The following C3orf49 variants were observed in gnomAD, a reference collection of about 807,000 sequenced individuals.
C3orf49 encodes the protein putative uncharacterized protein C3orf49.
In C3orf49, 27 loss-of-function variants were observed where a neutral mutation model predicts 13.3. That is an observed-to-expected ratio of 2.02 (90% CI 1.49 to 2.79). C3orf49 has a LOEUF of 2.79. Among genes scored for constraint, C3orf49 ranks in the 30% most tolerant of loss-of-function variants. The pLI is 0.00. For synonymous variants in C3orf49, 87 were observed against 47.6 expected (o/e 1.83, Z -3.40); for missense variants, 242 against 134.2 (o/e 1.80, Z -3.97).
intron 5 of C3orf49, among the ~76,000 whole-genome samples, chr3:63,836,999 T>C (rs1701648082): frequency 6.6e-6 from 1 of 151,952 alleles, no homozygotes; most frequent in Non-Finnish European, 1.5e-5. Flanking sequence ...AGTTGGTATA[T>C]GTTACTGTAA....
At chr3:63,831,898 A>G in intron 5 of C3orf49, 54 bp downstream of exon 5, 1 of 678,170 alleles carries the variant, frequency 1.5e-6, no homozygotes. Flanking sequence ...GATTCTTTAA[A>G]AGTTATCTTC....
chr3:63,791,738 G>C, the C3orf49 span, among the ~76,000 whole-genome samples: 1 of 152,056 alleles, frequency 6.6e-6, no homozygotes, highest in Non-Finnish European at 1.5e-5. Flanking sequence ...AGTTGTTCCA[G>C]GCAATATTTT....
the C3orf49 span, among the ~76,000 whole-genome samples, chr3:63,788,672 C>A: frequency 6.6e-6 from 1 of 151,060 alleles, no homozygotes; most frequent in East Asian, 2.0e-4. Context: ...TCTTTAACCT[C>A]ATTTAATCCT....
the C3orf49 span, among the ~76,000 whole-genome samples, chr3:63,785,053 TCTC>T: frequency 6.8e-6 from 1 of 146,468 alleles, no homozygotes; most frequent in Admixed American, 7.0e-5. Context: ...CCACTGGACT[TCTC>T]TTCTTCTTCT....
the C3orf49 span, among the ~76,000 whole-genome samples, chr3:63,799,499 TA>T: frequency 3.9e-4 from 59 of 152,092 alleles, no homozygotes; most frequent in African/African-American, 1.4e-3. Context: ...AATACAACAC[TA>T]AAAATGAAAG....
chr3:63,786,917 C>A, the C3orf49 span, among the ~76,000 whole-genome samples: 8 of 152,148 alleles, frequency 5.3e-5, no homozygotes, highest in Admixed American at 3.3e-4. Flanking sequence ...GTCAGGGTCT[C>A]TCATCTAGGT....
chr3:63,838,110 C>G (rs376464659), intron 5 of C3orf49: 6 of 1,485,742 alleles, frequency 4.0e-6, no homozygotes, highest in Non-Finnish European at 5.5e-6. Context: ...AATCAATAAT[C>G]CATTTTTAAT....
chr3:63,783,409 A>G, the C3orf49 span, among the ~76,000 whole-genome samples: 2 of 152,158 alleles, frequency 1.3e-5, no homozygotes, highest in African/African-American at 2.4e-5. Flanking sequence ...TGGGCTGGGC[A>G]TGGTGGCTCA....
chr3:63,814,984 C>G (rs763840663), upstream of C3orf49, among the ~76,000 whole-genome samples: 1 of 152,174 alleles, frequency 6.6e-6, no homozygotes, highest in South Asian at 2.1e-4. Flanking sequence ...TGGCTGAAGG[C>G]GAAGTGGGAG....
chr3:63,816,490 G>A (rs946234664), upstream of C3orf49, among the ~76,000 whole-genome samples: 1 of 151,976 alleles, frequency 6.6e-6, no homozygotes, highest in Non-Finnish European at 1.5e-5. Context: ...TACTCAGGAG[G>A]CACAAGAATC....
intron 3 of C3orf49, among the ~76,000 whole-genome samples, chr3:63,828,981 G>A (rs1028341345): frequency 2.0e-5 from 3 of 152,160 alleles, no homozygotes; most frequent in African/African-American, 7.2e-5. Context: ...AATTAGAAGT[G>A]CAGTTCCCCA....
intron 5 of C3orf49, among the ~76,000 whole-genome samples, chr3:63,834,420 G>A (rs565022226): frequency 3.1e-4 from 47 of 151,912 alleles, no homozygotes; most frequent in Middle Eastern, 3.4e-3. Flanking sequence ...AGCACTTTGG[G>A]AGGCCAAGGC....
At chr3:63,819,089 G>C (rs544298248), upstream of C3orf49, among the ~76,000 whole-genome samples, 144 of 151,770 alleles carry the variant, frequency 9.5e-4, no homozygotes, top group Non-Finnish European at 1.8e-3. Flanking sequence ...TTAGTGTGTG[G>C]GTGTTTTTTG....
the C3orf49 span, among the ~76,000 whole-genome samples, chr3:63,793,175 C>T: frequency 1.3e-5 from 2 of 152,226 alleles, no homozygotes; most frequent in African/African-American, 4.8e-5. Flanking sequence ...ATGACTATAT[C>T]AACTGTTTAA....
Position 63,823,568 on chromosome 3 carries a change from T to C in C3orf49, c.444T>C (p.Asn148=), listed in dbSNP as rs1255005176. The C allele has an allele frequency of 4.3e-6, 3 of 695,634 alleles. No homozygotes were observed. Among genetic ancestry groups the C allele is most frequent in the African/African-American group, 1.8e-5 (1 of 56,802 alleles). The allele number at this position is 695,634 out of a possible 1,614,324, so 43.1% of individuals were successfully genotyped here. Residue 148 remains asparagine (N), a splice_region_variant and synonymous_variant, in exon 2 of 7, where the codon AAT becomes AAC. Transcript: ENST00000295896. Reference sequence around the variant, plus strand: ...CAAAAATGAGAAAGCTCTCAGAGAATGGTAATCATATTTGGGCAATTTGTC... The same window carrying C: ...CAAAAATGAGAAAGCTCTCAGAGAACGGTAATCATATTTGGGCAATTTGTC... The part of the protein sequence containing the change: ...FTAKMRKLSE[N]ATIQLDVVEA...
intron 5 of C3orf49, among the ~76,000 whole-genome samples, chr3:63,840,488 G>A (rs1254390352): frequency 1.3e-5 from 2 of 152,160 alleles, no homozygotes; most frequent in African/African-American, 4.8e-5. Flanking sequence ...TAACTTGGGA[G>A]GCTGAGGTAG....
upstream of C3orf49, among the ~76,000 whole-genome samples, chr3:63,818,820 C>A (rs979946529): frequency 6.6e-6 from 1 of 152,158 alleles, no homozygotes; most frequent in Admixed American, 6.5e-5. Flanking sequence ...TGGATCAGGT[C>A]CTCAATTTAG....
At chr3:63,808,762 G>A in the C3orf49 span, among the ~76,000 whole-genome samples, 6 of 152,096 alleles carry the variant, frequency 3.9e-5, no homozygotes, top group Admixed American at 6.5e-5. Flanking sequence ...GATGAATAGG[G>A]CCTCATACCT....
At chr3:63,808,162 A>G in the C3orf49 span, among the ~76,000 whole-genome samples, 1 of 152,152 alleles carries the variant, frequency 6.6e-6, no homozygotes, top group South Asian at 2.1e-4. Flanking sequence ...ACTCAATTAG[A>G]AGCCTCTGGC....
Sources: gnomAD v4.1 joint callset for allele counts (sites outside exome capture counted in the v4.1 genomes callset) on GRCh38, gnomAD v4.1.1 for gene constraint, MANE v1.5 for transcripts, NCBI Gene and HGNC (gene_info 2026-07-23, HGNC 2026-07-21) for gene names.